Variants in SNTG1 observed in about 807,000 individuals in gnomAD.
SNTG1 encodes the protein gamma-1-syntrophin.
SNTG1 carries 39 observed loss-of-function variants against 74.7 expected under a neutral mutation model. That is an observed-to-expected ratio of 0.52 (90% confidence interval 0.40 to 0.68). The LOEUF is 0.68. Among genes scored for constraint, SNTG1 ranks in the 30% least tolerant of loss-of-function variants. The pLI is 0.00. For missense variants in SNTG1, 685 were observed against 609.5 expected (o/e 1.12, Z -1.30); for synonymous variants, 254 against 217.1 (o/e 1.17, Z -1.49).
chr8:50,184,797 T>G (rs1015945228), intron 2 of SNTG1, among the ~76,000 whole-genome samples: 3 of 152,174 alleles, frequency 2.0e-5, no homozygotes, highest in African/African-American at 7.2e-5. Context: ...ACATAAGGAT[T>G]GGTATATTTT....
At chr8:49,946,145 G>A (rs1402601721) in intron 1 of SNTG1, among the ~76,000 whole-genome samples, 2 of 151,992 alleles carry the variant, frequency 1.3e-5, no homozygotes, top group Non-Finnish European at 2.9e-5. Flanking sequence ...TATAAATGTA[G>A]GAAGTACTTT....
intron 1 of SNTG1, among the ~76,000 whole-genome samples, chr8:50,102,794 C>T (rs2080193951): frequency 6.6e-6 from 1 of 150,630 alleles, no homozygotes; most frequent in South Asian, 2.1e-4. Context: ...CCAGTTTTCC[C>T]AGCCCCATTT....
At chr8:50,771,782 T>A (rs1216013595) in intron 18 of SNTG1, among the ~76,000 whole-genome samples, 2 of 151,962 alleles carry the variant, frequency 1.3e-5, no homozygotes, top group African/African-American at 4.8e-5. Context: ...GCTGTTGAAG[T>A]CCTGTGCTGC....
At chr8:50,101,689 C>A (rs533152225) in intron 1 of SNTG1, among the ~76,000 whole-genome samples, 2 of 152,108 alleles carry the variant, frequency 1.3e-5, no homozygotes, top group East Asian at 3.9e-4. Flanking sequence ...GGTATATCTC[C>A]TAATGCTATC....
intron 1 of SNTG1, among the ~76,000 whole-genome samples, chr8:50,013,703 A>G (rs1468939677): frequency 6.6e-6 from 1 of 152,274 alleles, no homozygotes; most frequent in East Asian, 1.9e-4. Context: ...CAGAATAATT[A>G]GCATGTTGTG....
intron 2 of SNTG1, among the ~76,000 whole-genome samples, chr8:50,199,530 G>A (rs11991940): frequency 0.31 from 46,433 of 152,000 alleles, 7,208 homozygotes; most frequent in South Asian, 0.42. Flanking sequence ...CTTAACTTCT[G>A]ATGTGCTCAT....
At chr8:50,534,535 C>T (rs571890657) in intron 10 of SNTG1, among the ~76,000 whole-genome samples, 1 of 152,208 alleles carries the variant, frequency 6.6e-6, no homozygotes, top group East Asian at 1.9e-4. Flanking sequence ...AATCCCAGCA[C>T]TTTGGGAGGC....
chr8:50,647,051 C>T (rs1043812349), intron 13 of SNTG1, among the ~76,000 whole-genome samples: 9 of 152,220 alleles, frequency 5.9e-5, no homozygotes, highest in Non-Finnish European at 1.2e-4. Flanking sequence ...CTTACACCTT[C>T]TACAAACATT....
chr8:50,471,947 A>C (rs2093657351), intron 8 of SNTG1, among the ~76,000 whole-genome samples: 1 of 152,178 alleles, frequency 6.6e-6, no homozygotes, highest in Non-Finnish European at 1.5e-5. Context: ...AGGAAATTTT[A>C]TTTAAAATAG....
intron 1 of SNTG1, among the ~76,000 whole-genome samples, chr8:50,060,767 A>G (rs577307222): frequency 4.3e-4 from 65 of 151,976 alleles, no homozygotes; most frequent in African/African-American, 1.5e-3. Context: ...CCCTACCCCT[A>G]TGGATATGTT....
chr8:49,969,180 C>T (rs192352788), intron 1 of SNTG1, among the ~76,000 whole-genome samples: 126 of 151,982 alleles, frequency 8.3e-4, no homozygotes, highest in South Asian at 4.2e-3. Context: ...TTTTTAATAA[C>T]GTGGTGAATA....
intron 2 of SNTG1, among the ~76,000 whole-genome samples, chr8:50,391,131 A>G (rs901590503): frequency 3.9e-5 from 6 of 152,080 alleles, no homozygotes; most frequent in African/African-American, 1.4e-4. Flanking sequence ...GTGAGAGAGG[A>G]CATCCCTGTC....
At chr8:49,985,361 C>T (rs1813058505) in intron 1 of SNTG1, among the ~76,000 whole-genome samples, 1 of 152,020 alleles carries the variant, frequency 6.6e-6, no homozygotes, top group African/African-American at 2.4e-5. Flanking sequence ...AAACTCCTGA[C>T]CTAAAATGAT....
At chr8:50,540,038 T>A (rs2094335393) in intron 11 of SNTG1, among the ~76,000 whole-genome samples, 1 of 152,150 alleles carries the variant, frequency 6.6e-6, no homozygotes, top group African/African-American at 2.4e-5. Flanking sequence ...ACTTTTTTTA[T>A]CCCTGAATTT....
At chr8:50,024,533 A>C (rs529224878) in intron 1 of SNTG1, among the ~76,000 whole-genome samples, 1 of 152,270 alleles carries the variant, frequency 6.6e-6, no homozygotes, top group Admixed American at 6.5e-5. Flanking sequence ...AGTTCCCTTT[A>C]TCAAAGGGAA....
intron 1 of SNTG1, among the ~76,000 whole-genome samples, chr8:49,918,879 G>T (rs1411098913): frequency 1.3e-5 from 2 of 151,906 alleles, no homozygotes; most frequent in East Asian, 3.9e-4. Context: ...AGCTTAAAGT[G>T]GCTTAATCCA....
At chr8:50,695,969 TTGGATATATACCC>T (rs1391627382) in intron 15 of SNTG1, among the ~76,000 whole-genome samples, 1 of 151,988 alleles carries the variant, frequency 6.6e-6, no homozygotes, top group African/African-American at 2.4e-5. Flanking sequence ...TTCTTTTCCT[TTGGATATATACCC>T]AGTAGTGGAA....
intron 9 of SNTG1, among the ~76,000 whole-genome samples, chr8:50,513,324 C>A (rs1169398273): frequency 1.3e-5 from 2 of 152,190 alleles, no homozygotes; most frequent in South Asian, 4.1e-4. Flanking sequence ...CAGTCTGCCC[C>A]TACTGGGGGG....
chr8:50,672,056 AG>A (rs1442791437), intron 15 of SNTG1, among the ~76,000 whole-genome samples: 12 of 60,900 alleles, frequency 2.0e-4, no homozygotes, highest in Admixed American at 7.7e-4. Context: ...GGGTGGGGGG[AG>A]GGGGGAGGGA....
Sources: allele counts gnomAD v4.1 joint callset (sites outside exome capture counted in the v4.1 genomes callset), GRCh38; gene constraint gnomAD v4.1.1; transcripts MANE v1.5; gene names NCBI Gene and HGNC (gene_info 2026-07-23, HGNC 2026-07-21).